HERC6: variants seen among roughly 807,000 people sequenced by gnomAD.
The protein encoded by HERC6 is HECT and RLD domain containing E3 ubiquitin protein ligase family member 6.
Under a neutral mutation model 114.5 loss-of-function variants are expected in HERC6, and 101 were observed. The observed-to-expected ratio is 0.88, with a 90% CI of 0.75 to 1.04. HERC6 has a LOEUF of 1.04. HERC6 is among the 50% of genes least tolerant of loss of function. The pLI is 0.00. For missense variants in HERC6, 1,133 were observed against 1,230.9 expected (o/e 0.92, Z 1.19); for synonymous variants, 408 against 436.2 (o/e 0.94, Z 0.81).
intron 6 of HERC6, 113 bp downstream of exon 6, chr4:88,396,255 AT>A: frequency 1.2e-6 from 1 of 804,572 alleles, no homozygotes; most frequent in East Asian, 3.3e-5. Flanking sequence ...CTGCCTGAAA[AT>A]TTACTTATTT....
chr4:88,400,698 T>C (rs888674364), intron 8 of HERC6, among the ~76,000 whole-genome samples: 5 of 152,220 alleles, frequency 3.3e-5, no homozygotes, highest in African/African-American at 9.6e-5. Context: ...TACAGTATAA[T>C]AAACTATTCT....
intron 12 of HERC6, among the ~76,000 whole-genome samples, chr4:88,416,018 T>G (rs1736440868): frequency 1.3e-5 from 2 of 152,190 alleles, no homozygotes; most frequent in Non-Finnish European, 2.9e-5. Flanking sequence ...CTGCACTGAG[T>G]CAGTTCCTTG....
chr4:88,388,544 C>T (rs866630675), intron 3 of HERC6, among the ~76,000 whole-genome samples: 8 of 108,254 alleles, frequency 7.4e-5, no homozygotes, highest in Non-Finnish European at 1.2e-4. Flanking sequence ...GAGCAAGACT[C>T]GTCTCAAAAA....
At chr4:88,394,692 G>C (rs1297580687) in intron 5 of HERC6, among the ~76,000 whole-genome samples, 1 of 151,214 alleles carries the variant, frequency 6.6e-6, no homozygotes, top group Non-Finnish European at 1.5e-5. Context: ...TTACAGGCGT[G>C]TGCCACCACG....
intron 11 of HERC6, among the ~76,000 whole-genome samples, chr4:88,412,751 T>C (rs996187288): frequency 6.6e-6 from 1 of 152,228 alleles, no homozygotes; most frequent in Non-Finnish European, 1.5e-5. Context: ...GGAATACTAA[T>C]GTGACCTGCA....
chr4:88,435,320 C>T (rs565066084), intron 17 of HERC6, among the ~76,000 whole-genome samples: 1 of 152,094 alleles, frequency 6.6e-6, no homozygotes, highest in South Asian at 2.1e-4. Flanking sequence ...GGGGCTGCCA[C>T]TCATGCGAGG....
intron 12 of HERC6, 105 bp downstream of exon 12, chr4:88,413,371 G>T (rs2148903884): frequency 2.8e-6 from 2 of 712,552 alleles, no homozygotes; most frequent in South Asian, 3.7e-5. Context: ...ACAAGTATTT[G>T]AGAACATGGC....
chr4:88,379,071 C>T lies in HERC6; in HGVS notation c.150C>T (p.Asn50=). Residue 50 remains asparagine (N), a synonymous_variant, in exon 1 of 23, where the codon AAC becomes AAT. Transcript: ENST00000264346. ...TNHRVLSCGD[N]SRGQLGRRGA... ...ACAGGGTCCTCTCGTGCGGAGACAA[C>T]AGCAGGGGTCAGCTGGGCCGCAGGG... 1.3e-6 allele frequency: 2 copies of T among 1,551,178 alleles called. 1 individual carries two copies. The highest frequency in any genetic ancestry group is 2.4e-5 in the South Asian group (2 of 84,318).
intron 5 of HERC6, among the ~76,000 whole-genome samples, 161 bp downstream of exon 5, chr4:88,393,743 C>T (rs1735046966): frequency 6.6e-6 from 1 of 152,142 alleles, no homozygotes; most frequent in South Asian, 2.1e-4. Context: ...ATCTATTTCC[C>T]ATAGTTCTGG....
At chr4:88,390,171 C>A (rs1433768741) in intron 3 of HERC6, among the ~76,000 whole-genome samples, 1 of 95,048 alleles carries the variant, frequency 1.1e-5, no homozygotes, top group Non-Finnish European at 1.9e-5. Flanking sequence ...GAATGAAACT[C>A]TGTATCAAAA....
intron 13 of HERC6, among the ~76,000 whole-genome samples, chr4:88,420,746 A>G (rs747536976): frequency 1.4e-4 from 21 of 152,210 alleles, no homozygotes; most frequent in Non-Finnish European, 2.9e-4. Context: ...AGCCTGGGCA[A>G]CATAGTGAGA....
intron 3 of HERC6, among the ~76,000 whole-genome samples, chr4:88,390,177 CAAA>C (rs1156777502): frequency 2.1e-5 from 1 of 48,644 alleles, no homozygotes; most frequent in African/African-American, 8.9e-5. Context: ...AACTCTGTAT[CAAA>C]AAAAAAAAAA....
rs768515231 is a variant in HERC6, at chr4:88,442,442, C to T, written c.3051C>T (p.Pro1017=). Residue 1017 remains proline, a synonymous_variant, in exon 23 of 23, where the codon CCC becomes CCT. Transcript: ENST00000264346. The stretch of plus-strand genomic sequence containing the variant: ...ACAACAACAGAGGATTTGTCTCACC[C>T]ATGCTCACACAGTCATAATCACCTC... The part of the protein sequence containing the change: ...AINNNRGFVS[P]MLTQS The T allele has an allele frequency of 3.1e-6, 5 of 1,613,492 alleles. No homozygotes were observed. The South Asian group carries it at 5.5e-5, about 18-fold the overall frequency.
intron 5 of HERC6, 30 bp from the exon 6 acceptor site, chr4:88,395,985 A>T: frequency 1.3e-6 from 2 of 1,552,796 alleles, no homozygotes; most frequent in Non-Finnish European, 1.7e-6. Flanking sequence ...TTAAACCTGA[A>T]ATTAATTTGA....
At chr4:88,439,836 T>A in intron 20 of HERC6, 38 bp from the exon 21 acceptor site, 2 of 1,398,252 alleles carry the variant, frequency 1.4e-6, no homozygotes, top group Non-Finnish European at 1.9e-6. Flanking sequence ...GCCTTTTCCT[T>A]CCTTTCTTTT....
chr4:88,433,936 G>A (rs146244340), intron 17 of HERC6, among the ~76,000 whole-genome samples: 5 of 152,270 alleles, frequency 3.3e-5, no homozygotes, highest in African/African-American at 9.6e-5. Flanking sequence ...GAATGGCTAA[G>A]GTGTGCCAAT....
Position 88,419,693 on chromosome 4 carries a change from C to G in HERC6, c.1713+2114C>G, listed in dbSNP as rs368913272. 3.9e-4 allele frequency among the ~76,000 whole-genome samples: 60 copies of G among 152,196 alleles called. 1 individual carries two copies. The highest frequency in any genetic ancestry group is 1.3e-3 in the African/African-American group (55 of 41,522). ...CCTGAAGGATTTATGCTTTGATGTTCTTGTGCCTAGGAAGAAAAGCTATTA... is the reference window on the plus strand; with the variant it reads ...CCTGAAGGATTTATGCTTTGATGTTGTTGTGCCTAGGAAGAAAAGCTATTA... On this transcript the variant is annotated intron_variant, in intron 13 of 22. Coordinates refer to ENST00000264346, the MANE Select transcript of HERC6 (RefSeq NM_017912.4).
intron 1 of HERC6, 32 bp from the exon 2 acceptor site, chr4:88,383,189 G>T: frequency 1.2e-6 from 2 of 1,600,104 alleles, no homozygotes; most frequent in South Asian, 2.3e-5. Context: ...CTGCAGTGGT[G>T]GTTGGGGGGT....
rs1229180356 is a variant in HERC6 at position 88,442,789 on chromosome 4, GC to G, written c.*331del. The G allele has an allele frequency of 1.2e-5, 4 of 329,066 alleles. No individual in the cohort carries two copies. The highest frequency in any genetic ancestry group is 2.3e-5 in the Non-Finnish European group (4 of 173,990). The allele number at this position is 329,066 out of a possible 1,614,324, so 20.4% of individuals were successfully genotyped here. ...CACATCAGCCTCTGATTGGCCATGG[GC>G]CAGACCTGCACTCTGGCCAATGATT... On this transcript the variant is annotated 3_prime_UTR_variant, in exon 23 of 23. Transcript: ENST00000264346.
Sources: allele counts gnomAD v4.1 joint callset (sites outside exome capture counted in the v4.1 genomes callset), GRCh38; gene constraint gnomAD v4.1.1; transcripts MANE v1.5; gene names NCBI Gene and HGNC (gene_info 2026-07-23, HGNC 2026-07-21).